The following TBC1D32 variants were observed in gnomAD, a reference collection of about 807,000 sequenced individuals.
The protein encoded by TBC1D32 is protein broad-minded.
In TBC1D32, 151 loss-of-function variants were observed where a neutral mutation model predicts 170.3. The observed-to-expected ratio is 0.89, with a 90% confidence interval of 0.78 to 1.01. TBC1D32 has a LOEUF of 1.01. TBC1D32 is among the 50% of genes least tolerant of loss of function. TBC1D32 has a pLI of 0.00. For missense variants in TBC1D32, 1,464 were observed against 1,457.1 expected, an observed-to-expected ratio of 1.00 and a Z score of -0.08; for synonymous variants, 498 against 488.0, an observed-to-expected ratio of 1.02 and a Z score of -0.27.
At chr6:121,122,645 ATC>A (rs1780389967) in intron 26 of TBC1D32, among the ~76,000 whole-genome samples, 2 of 152,062 alleles carry the variant, frequency 1.3e-5, no homozygotes, top group Non-Finnish European at 2.9e-5. Flanking sequence ...AACTTCCCAG[ATC>A]CTTTTTCTGT....
rs146407402 is a variant in TBC1D32, at chr6:121,145,743, A to C, written c.2774-13991T>G. ...TAGAATGCTTATCAATTAAAAAATA[A>C]ATTAATTTTTAAAATTGCAGTGGTA... is the stretch of plus-strand genomic sequence containing the variant. On this transcript the variant is annotated intron_variant, in intron 24 of 31. Transcript: ENST00000398212. Among the ~76,000 whole-genome samples the C allele has an allele frequency of 4.1e-3, 621 of 152,292 alleles. 9 individuals carry two copies. The highest frequency in any genetic ancestry group is 0.014 in the African/African-American group (593 of 41,562).
intron 5 of TBC1D32, among the ~76,000 whole-genome samples, chr6:121,306,559 C>T (rs544354316): frequency 1.3e-5 from 2 of 152,188 alleles, no homozygotes; most frequent in East Asian, 1.9e-4. Flanking sequence ...AACATCATAT[C>T]GATTTTAAAG....
At chr6:121,272,876 T>C (rs1801668949) in intron 15 of TBC1D32, among the ~76,000 whole-genome samples, 1 of 152,154 alleles carries the variant, frequency 6.6e-6, no homozygotes, top group South Asian at 2.1e-4. Flanking sequence ...CCATCAATGA[T>C]AGACTGGATG....
intron 10 of TBC1D32, among the ~76,000 whole-genome samples, chr6:121,297,926 A>G (rs189246932): frequency 7.6e-4 from 116 of 152,196 alleles, no homozygotes; most frequent in Non-Finnish European, 1.5e-3. Context: ...GAGGAAATAC[A>G]TCAGCAGGTC....
chr6:121,107,964 A>G (rs1158640056), intron 29 of TBC1D32, among the ~76,000 whole-genome samples: 2 of 152,016 alleles, frequency 1.3e-5, no homozygotes, highest in African/African-American at 4.8e-5. Context: ...TATAAATTAG[A>G]CTCTGTTGGA....
intron 30 of TBC1D32, among the ~76,000 whole-genome samples, chr6:121,104,171 G>A (rs773069519): frequency 3.3e-5 from 5 of 151,828 alleles, no homozygotes; most frequent in Middle Eastern, 3.5e-3. Flanking sequence ...AAAAACTACT[G>A]TCTAATTAAG....
chr6:121,327,022 C>T (rs1343148369), intron 1 of TBC1D32, among the ~76,000 whole-genome samples: 1 of 152,080 alleles, frequency 6.6e-6, no homozygotes, highest in Non-Finnish European at 1.5e-5. Context: ...TTCATGGCAA[C>T]ACCCCATAAA....
intron 31 of TBC1D32, among the ~76,000 whole-genome samples, chr6:121,089,183 T>C (rs1216351764): frequency 6.6e-6 from 1 of 152,188 alleles, no homozygotes; most frequent in African/African-American, 2.4e-5. Flanking sequence ...ATGTATTGAA[T>C]ACCTATTATC....
chr6:121,289,901 C>T (rs570233267), intron 12 of TBC1D32, among the ~76,000 whole-genome samples: 34 of 152,052 alleles, frequency 2.2e-4, no homozygotes, highest in African/African-American at 7.5e-4. Flanking sequence ...AATGGGGAAA[C>T]GATTCCCTAT....
chr6:121,216,547 A>T (rs181125229), intron 21 of TBC1D32, among the ~76,000 whole-genome samples: 1 of 152,252 alleles, frequency 6.6e-6, no homozygotes, highest in Admixed American at 6.5e-5. Context: ...AAGTATGGAG[A>T]ACACTGATAG....
At chr6:121,325,317 G>C (rs1217807467) in intron 1 of TBC1D32, among the ~76,000 whole-genome samples, 1 of 151,178 alleles carries the variant, frequency 6.6e-6, no homozygotes, top group Non-Finnish European at 1.5e-5. Flanking sequence ...TTCCATAAAA[G>C]TATCACTACT....
At chr6:121,094,809 T>A (rs1777207917) in intron 30 of TBC1D32, among the ~76,000 whole-genome samples, 1 of 152,140 alleles carries the variant, frequency 6.6e-6, no homozygotes, top group African/African-American at 2.4e-5. Context: ...ACATTTGCAG[T>A]GTTTCTAGTC....
chr6:121,081,576 T>TA (rs1362362836), intron 31 of TBC1D32, among the ~76,000 whole-genome samples: 1 of 152,064 alleles, frequency 6.6e-6, no homozygotes, highest in Non-Finnish European at 1.5e-5. Context: ...TTGCAGAGGT[T>TA]ACAAAAACTT....
intron 22 of TBC1D32, among the ~76,000 whole-genome samples, chr6:121,175,023 CAAA>C (rs34244749): frequency 1.8e-4 from 24 of 130,900 alleles, no homozygotes; most frequent in African/African-American, 6.5e-4. Flanking sequence ...CAGACCTTGT[CAAA>C]AAAAAAAAAA....
chr6:121,283,809 C>A lies in TBC1D32; in HGVS notation c.1465+9G>T. On this transcript the variant is annotated intron_variant, in intron 13 of 31. Transcript: ENST00000398212. ...TATATTTCTCTATTTAAAATAGAAACAGAATTACCTGAATGGGCAGCTGAT... is the reference window on the plus strand; with the variant it reads ...TATATTTCTCTATTTAAAATAGAAAAAGAATTACCTGAATGGGCAGCTGAT... The A allele has an allele frequency of 6.3e-7, 1 of 1,577,770 alleles. No individual in the cohort carries two copies. Among genetic ancestry groups the A allele is most frequent in the Admixed American group, 1.7e-5 (1 of 58,530 alleles).
At chr6:121,107,456 A>C (rs894095521) in intron 29 of TBC1D32, among the ~76,000 whole-genome samples, 3 of 151,974 alleles carry the variant, frequency 2.0e-5, no homozygotes, top group African/African-American at 7.2e-5. Context: ...CTTGAAAAAA[A>C]CATTATTTTT....
intron 15 of TBC1D32, among the ~76,000 whole-genome samples, chr6:121,262,479 CTTT>C (rs60601929): frequency 2.1e-5 from 3 of 143,390 alleles, no homozygotes; most frequent in African/African-American, 2.6e-5. Context: ...ATATTAAATA[CTTT>C]TTTTTTTTTT....
chr6:121,101,742 T>A (rs866764337), intron 30 of TBC1D32, among the ~76,000 whole-genome samples: 54 of 152,014 alleles, frequency 3.6e-4, no homozygotes, highest in African/African-American at 1.3e-3. Flanking sequence ...GGCCAGGGCA[T>A]TCAGGCAAGA....
intron 10 of TBC1D32, among the ~76,000 whole-genome samples, chr6:121,298,114 TTCAAA>T (rs1424936832): frequency 6.6e-6 from 1 of 152,106 alleles, no homozygotes; most frequent in African/African-American, 2.4e-5. Context: ...AATGTTTATT[TTCAAA>T]AGTGGGGCCA....
Sources: allele counts gnomAD v4.1 joint callset (sites outside exome capture counted in the v4.1 genomes callset), GRCh38; gene constraint gnomAD v4.1.1; transcripts MANE v1.5; gene names NCBI Gene and HGNC (gene_info 2026-07-23, HGNC 2026-07-21).